GPCPD1: variants seen among roughly 807,000 people sequenced by gnomAD.
GPCPD1 encodes the protein glycerophosphocholine phosphodiesterase 1.
Under a neutral mutation model 89.2 loss-of-function variants are expected in GPCPD1, and 29 were observed. The observed-to-expected ratio is 0.33, with a 90% CI of 0.24 to 0.44. The LOEUF is 0.44. Ranked by LOEUF, GPCPD1 falls within the 20% of genes least tolerant of loss-of-function variation. The probability of loss-of-function intolerance (pLI) is 1.00; values close to 1 mark genes in which losing one functional copy is unlikely to be tolerated. For missense variants in GPCPD1, 594 were observed against 808.9 expected, an observed-to-expected ratio of 0.73 and a Z score of 3.22; for synonymous variants, 258 against 266.3, an observed-to-expected ratio of 0.97 and a Z score of 0.30.
intron 3 of GPCPD1, among the ~76,000 whole-genome samples, chr20:5,596,806 T>C (rs998741883): frequency 2.0e-5 from 3 of 152,204 alleles, no homozygotes; most frequent in Non-Finnish European, 4.4e-5. Context: ...GAATATTGTC[T>C]AAAGGCACAT....
At chr20:5,572,333 A>G (rs1285138232) in intron 11 of GPCPD1, among the ~76,000 whole-genome samples, 1 of 152,218 alleles carries the variant, frequency 6.6e-6, no homozygotes, top group African/African-American at 2.4e-5. Context: ...AGATAAAACA[A>G]TCTACTAACA....
intron 19 of GPCPD1, 31 bp from the exon 20 acceptor site, chr20:5,547,881 A>AT: frequency 2.4e-6 from 3 of 1,256,728 alleles, no homozygotes; most frequent in Non-Finnish European, 3.4e-6. Context: ...AACACATAAA[A>AT]TACTGTAATT....
chr20:5,579,658 G>C (rs936867136), intron 7 of GPCPD1, among the ~76,000 whole-genome samples: 7 of 152,300 alleles, frequency 4.6e-5, no homozygotes, highest in Admixed American at 3.3e-4. Flanking sequence ...GCCTCCCAAA[G>C]TGCTGGGATT....
chr20:5,560,155 G>T, intron 16 of GPCPD1, 79 bp from the exon 17 acceptor site: 1 of 1,022,074 alleles, frequency 9.8e-7, no homozygotes, highest in Non-Finnish European at 1.4e-6. Context: ...ATTCTGGCAA[G>T]CTATGATGAA....
chr20:5,563,559 A>G (rs947417833), intron 15 of GPCPD1, among the ~76,000 whole-genome samples: 2 of 151,716 alleles, frequency 1.3e-5, no homozygotes, highest in African/African-American at 4.8e-5. Flanking sequence ...CCCAGGCTGG[A>G]GTGCAGTGGC....
intron 1 of GPCPD1, among the ~76,000 whole-genome samples, chr20:5,610,308 C>CTT: frequency 6.6e-6 from 1 of 152,284 alleles, no homozygotes; most frequent in South Asian, 2.1e-4. Flanking sequence ...AGGAAAGGCA[C>CTT]TTTAGTTTCT....
rs368053558 is a variant in GPCPD1 at position 5,598,837 on chromosome 20, A to T, written c.50-16T>A. 8 of 1,498,896 alleles carry T rather than the reference A, an allele frequency of 5.3e-6. No individual in the cohort carries two copies. Among genetic ancestry groups the T allele is most frequent in the African/African-American group, 1.4e-5 (1 of 72,420 alleles). The allele number at this position is 1,498,896 out of a possible 1,614,324, so 92.8% of individuals were successfully genotyped here. A position where few individuals can be genotyped will look rare whatever the true frequency, so the allele number is the denominator to read the frequency against. On this transcript the variant is annotated splice_polypyrimidine_tract_variant and intron_variant, in intron 2 of 19. Transcript: ENST00000379019. ...AAAACTTCTCCTAAAGAAACAGAACAATCAGTCACAGAGAAACAGAACAAT... is the reference window on the plus strand; with the variant it reads ...AAAACTTCTCCTAAAGAAACAGAACTATCAGTCACAGAGAAACAGAACAAT...
intron 6 of GPCPD1, among the ~76,000 whole-genome samples, chr20:5,581,474 G>A (rs1343359384): frequency 6.6e-6 from 1 of 152,132 alleles, no homozygotes; most frequent in African/African-American, 2.4e-5. Context: ...CTTCCAAAGC[G>A]TCACTTTAGA....
At chr20:5,564,913 T>A in intron 15 of GPCPD1, 104 bp downstream of exon 15, 1 of 713,496 alleles carries the variant, frequency 1.4e-6, no homozygotes, top group Non-Finnish European at 2.5e-6. Flanking sequence ...ATTAACATTG[T>A]CTTTAACACA....
At chr20:5,607,050 G>A (rs1473702861) in intron 1 of GPCPD1, among the ~76,000 whole-genome samples, 1 of 152,182 alleles carries the variant, frequency 6.6e-6, no homozygotes, top group Non-Finnish European at 1.5e-5. Flanking sequence ...ACTTTAGGAA[G>A]CCGAGGCGGG....
At chr20:5,578,686 T>C in intron 7 of GPCPD1, 75 bp from the exon 8 acceptor site, 3 of 910,460 alleles carry the variant, frequency 3.3e-6, no homozygotes, top group Non-Finnish European at 5.3e-6. Flanking sequence ...GCCTAAATTC[T>C]ACATTTTAAA....
rs1980932054 is a variant in GPCPD1 at position 5,610,897 on chromosome 20, G to C, written c.-84C>G. 1 of 151,630 alleles carries C rather than the reference G, an allele frequency of 6.6e-6. No individual in the cohort carries two copies. Among genetic ancestry groups the C allele is most frequent in the Non-Finnish European group, 1.5e-5 (1 of 67,904 alleles). 9.4% of individuals were successfully genotyped at this position (151,630 alleles called of 1,614,324 possible). On this transcript the variant is annotated 5_prime_UTR_variant, in exon 1 of 20. Coordinates refer to ENST00000379019, the MANE Select transcript of GPCPD1 (RefSeq NM_019593.5). ...CGCCGCCGCCCCGCCCGAGAGCGAG[G>C]ACCGCGGGCAGAGGTACCGGGCGCC...
rs747103730 is a variant in GPCPD1 at position 5,547,512 on chromosome 20, C to T, written c.*149G>A. ...CCAAGTAATTTAAATAGCATACTTG[C>T]AAGAACTGTAGTGAAAGAGTTAAAT... On this transcript the variant is annotated 3_prime_UTR_variant, in exon 20 of 20. Coordinates refer to ENST00000379019, the MANE Select transcript of GPCPD1 (RefSeq NM_019593.5). 2.3e-6 allele frequency: 1 copy of T among 442,456 alleles called. No homozygotes were observed. Among genetic ancestry groups the T allele is most frequent in the Non-Finnish European group, 4.1e-6 (1 of 244,532 alleles). The allele number at this position is 442,456 out of a possible 1,614,324, so 27.4% of individuals were successfully genotyped here.
chr20:5,575,368 C>T (rs1362583655), intron 10 of GPCPD1, 45 bp downstream of exon 10: 1 of 1,431,348 alleles, frequency 7.0e-7, no homozygotes. Context: ...CTCTACCGAA[C>T]ATAAGCTACA....
chr20:5,576,485 T>C (rs550560565), intron 8 of GPCPD1, among the ~76,000 whole-genome samples: 1 of 151,968 alleles, frequency 6.6e-6, no homozygotes, highest in Admixed American at 6.6e-5. Flanking sequence ...CAAAGTCAAC[T>C]GAGAATCTCT....
chr20:5,568,275 C>G (rs1309173558), intron 12 of GPCPD1, among the ~76,000 whole-genome samples: 19 of 130,128 alleles, frequency 1.5e-4, no homozygotes, highest in Admixed American at 1.4e-3. Flanking sequence ...TAAAATCCAT[C>G]ACATATATAT....
intron 2 of GPCPD1, among the ~76,000 whole-genome samples, chr20:5,600,731 C>T (rs1160494213): frequency 2.0e-5 from 3 of 152,070 alleles, no homozygotes; most frequent in Admixed American, 2.0e-4. Context: ...ACTCAGGAGG[C>T]TGAGGCAGGA....
intron 4 of GPCPD1, among the ~76,000 whole-genome samples, chr20:5,592,585 T>A (rs1054546903): frequency 2.0e-5 from 3 of 152,210 alleles, no homozygotes; most frequent in Admixed American, 2.0e-4. Flanking sequence ...GGAAATACAT[T>A]TTTTAACAAG....
rs745907369 is a variant in GPCPD1, at chr20:5,584,314, T to A, written c.316A>T (p.Ile106Phe). ...CCAAATTGTCCATCGTCAATAATAA[T>A]TTCGCTTTCTAGAATTTAAGGAAAA... ...PRSITPLESEIIIDDGQFGIH... is the reference protein window; with the variant it reads ...PRSITPLESEFIIDDGQFGIH... The change falls in exon 6 of 20, where the codon ATT (isoleucine) becomes TTT (phenylalanine). Residue 106 changes from isoleucine to phenylalanine, a missense_variant. Ile to Phe is a conservative substitution (Grantham distance 21). Transcript: ENST00000379019. The A allele has an allele frequency of 9.2e-6, 13 of 1,406,332 alleles. No individual in the cohort carries two copies. Among genetic ancestry groups the A allele is most frequent in the Non-Finnish European group, 9.0e-6 (9 of 995,108 alleles). The allele number at this position is 1,406,332 out of a possible 1,614,324, so 87.1% of individuals were successfully genotyped here.
Sources: gnomAD v4.1 joint callset for allele counts (sites outside exome capture counted in the v4.1 genomes callset) on GRCh38, gnomAD v4.1.1 for gene constraint, MANE v1.5 for transcripts, NCBI Gene and HGNC (gene_info 2026-07-23, HGNC 2026-07-21) for gene names.